The following WDFY4 variants were observed in gnomAD, a reference collection of about 807,000 sequenced individuals.
The protein encoded by WDFY4 is WD repeat- and FYVE domain-containing protein 4.
In WDFY4, 169 loss-of-function variants were observed where a neutral mutation model predicts 351.9. The observed-to-expected ratio is 0.48, with a 90% CI of 0.42 to 0.55. The LOEUF (loss-of-function observed/expected upper bound fraction) is 0.55, where lower values mean the gene tolerates loss of function less well. Ranked by LOEUF, WDFY4 falls within the 20% of genes least tolerant of loss-of-function variation. The probability of loss-of-function intolerance (pLI) is 0.00; values close to 1 mark genes in which losing one functional copy is unlikely to be tolerated. For synonymous variants in WDFY4, 1,622 were observed against 1,574.6 expected, an observed-to-expected ratio of 1.03 and a Z score of -0.71; for missense variants, 3,803 against 3,935.6, an observed-to-expected ratio of 0.97 and a Z score of 0.90.
intron 47 of WDFY4, chr10:48,932,349 A>G (rs1185896269): frequency 2.0e-5 from 3 of 152,210 alleles, no homozygotes; most frequent in African/African-American, 4.8e-5. Flanking sequence ...TTGGAGAACA[A>G]TCTTTGCTGA....
chr10:48,768,458 G>A (rs1437665277), intron 13 of WDFY4, among the ~76,000 whole-genome samples: 2 of 152,104 alleles, frequency 1.3e-5, no homozygotes, highest in African/African-American at 2.4e-5. Context: ...GCCTTCACAT[G>A]TGCTGTTTCC....
At chr10:48,959,674 AG>A in intron 52 of WDFY4, 47 bp from the exon 53 acceptor site, 1 of 1,515,770 alleles carries the variant, frequency 6.6e-7, no homozygotes, top group Non-Finnish European at 9.0e-7. Context: ...CCCAGTTCCT[AG>A]CCTGATTTGA....
At chr10:48,694,342 C>T (rs893979752) in intron 1 of WDFY4, among the ~76,000 whole-genome samples, 13 of 152,268 alleles carry the variant, frequency 8.5e-5, no homozygotes, top group African/African-American at 3.1e-4. Context: ...TAAGCCCAGC[C>T]TCTCCTGTGG....
intron 14 of WDFY4, 51 bp from the exon 15 acceptor site, chr10:48,775,661 A>C (rs1374996404): frequency 6.6e-7 from 1 of 1,504,000 alleles, no homozygotes; most frequent in African/African-American, 1.4e-5. Context: ...GTTGGAGAAC[A>C]CTGTTGCTAG....
chr10:48,981,688 T>A (rs1374187570), intron 61 of WDFY4, among the ~76,000 whole-genome samples: 2 of 152,254 alleles, frequency 1.3e-5, no homozygotes, highest in Non-Finnish European at 2.9e-5. Context: ...GTTTTGCTTT[T>A]AACTCACACA....
chr10:48,881,023 C>T (rs1478249268), intron 43 of WDFY4, among the ~76,000 whole-genome samples: 1 of 152,198 alleles, frequency 6.6e-6, no homozygotes, highest in Non-Finnish European at 1.5e-5. Context: ...CATTCCCCAG[C>T]CTCCTTTCTG....
intron 57 of WDFY4, among the ~76,000 whole-genome samples, chr10:48,974,527 A>AAACAAAAAAAAAAACCTACCACC (rs1842478754): frequency 4.3e-5 from 1 of 23,148 alleles, no homozygotes; most frequent in Admixed American, 6.0e-4. Context: ...AAAAAAAAAA[A>AAACAAAAAAAAAAACCTACCACC]AACAACTCAT....
At chr10:48,741,452 CAAAAAAAAAAAA>C (rs55984300) in intron 11 of WDFY4, among the ~76,000 whole-genome samples, 5 of 66,304 alleles carry the variant, frequency 7.5e-5, no homozygotes, top group East Asian at 5.5e-4. Flanking sequence ...GACTCCGTCT[CAAAAAAAAAAAA>C]AAAAAAAAAA....
chr10:48,941,857 G>C lies in WDFY4; in HGVS notation c.7629+9G>C. 6.4e-7 allele frequency: 1 copy of C among 1,551,716 alleles called. No homozygotes were observed. The highest frequency in any genetic ancestry group is 8.7e-7 in the Non-Finnish European group (1 of 1,146,970). The stretch of plus-strand genomic sequence containing the variant: ...TGCTGCAGAAGTGGCAGGTACAGTA[G>C]CTCCTCCAGAGGGAAGCCCTCTGGG... On this transcript the variant is annotated intron_variant, in intron 48 of 61. Coordinates refer to ENST00000325239, the MANE Select transcript of WDFY4 (RefSeq NM_001394531.1).
chr10:48,865,958 T>A (rs1164738897), intron 39 of WDFY4, among the ~76,000 whole-genome samples: 4 of 152,130 alleles, frequency 2.6e-5, no homozygotes, highest in Non-Finnish European at 5.9e-5. Context: ...AGTATAATAA[T>A]TTAAGCCTTT....
chr10:48,706,623 C>T (rs970354567), intron 1 of WDFY4, among the ~76,000 whole-genome samples: 3 of 152,154 alleles, frequency 2.0e-5, no homozygotes, highest in Non-Finnish European at 4.4e-5. Context: ...GAATGTCTGT[C>T]CCTTGATAGG....
At position 48,853,904 on chromosome 10, in the gene WDFY4, A is replaced by G. The variant is rs375922787; in HGVS notation, c.6664-13361A>G. Among the ~76,000 whole-genome samples the G allele has an allele frequency of 1.8e-4, 28 of 152,324 alleles. 2 individuals carry two copies. The South Asian group carries it at 3.7e-3, about 20-fold the overall frequency. ...ATCTTCGTAATCTAGTGCCTGGAAAATAGTAAGTGATCAATGAATGTTTGC... is the reference window on the plus strand; with the variant it reads ...ATCTTCGTAATCTAGTGCCTGGAAAGTAGTAAGTGATCAATGAATGTTTGC... On this transcript the variant is annotated intron_variant, in intron 39 of 61. Transcript: ENST00000325239.
intron 43 of WDFY4, among the ~76,000 whole-genome samples, chr10:48,888,297 TTTCCTTCCTTCC>T (rs904936262): frequency 9.4e-6 from 1 of 106,884 alleles, no homozygotes; most frequent in Non-Finnish European, 1.8e-5. Flanking sequence ...TCCCTCCCTC[TTTCCTTCCTTCC>T]TTCCTTTCTT....
chr10:48,738,655 G>A (rs997183532), intron 11 of WDFY4, among the ~76,000 whole-genome samples: 7 of 152,202 alleles, frequency 4.6e-5, no homozygotes, highest in Admixed American at 2.0e-4. Flanking sequence ...TCAGATGTGA[G>A]ATCTACATTT....
chr10:48,709,861 C>T lies in WDFY4; in HGVS notation c.129C>T (p.Leu43=). 6.4e-7 allele frequency: 1 copy of T among 1,551,934 alleles called. No homozygotes were observed. The highest frequency in any genetic ancestry group is 8.7e-7 in the Non-Finnish European group (1 of 1,147,058). Residue 43 remains leucine (L), a synonymous_variant, in exon 2 of 62, where the codon CTC becomes CTT. Coordinates refer to ENST00000325239, the MANE Select transcript of WDFY4 (RefSeq NM_001394531.1). ...HGGQSSSPTA[L]WDMLERKFLE... is the part of the protein sequence containing the mutation. ...GGCAGTCCTCCAGCCCCACAGCTCT[C>T]TGGGACATGCTGGAAAGGAAGTTTC...
chr10:48,928,059 A>G (rs927619906), intron 47 of WDFY4, among the ~76,000 whole-genome samples: 1 of 152,102 alleles, frequency 6.6e-6, no homozygotes, highest in East Asian at 1.9e-4. Context: ...ATTCCACCCA[A>G]TGTGTTTTAA....
Position 48,769,335 on chromosome 10 carries a change from AAG to A in WDFY4, c.2554-5117_2554-5116del, listed in dbSNP as rs536026055. 3.2e-4 allele frequency among the ~76,000 whole-genome samples: 48 copies of A among 152,314 alleles called. 1 individual carries two copies. Among genetic ancestry groups the A allele is most frequent in the African/African-American group, 1.1e-3 (45 of 41,566 alleles). On this transcript the variant is annotated intron_variant, in intron 13 of 61. Coordinates refer to ENST00000325239, the MANE Select transcript of WDFY4 (RefSeq NM_001394531.1). The stretch of plus-strand genomic sequence containing the variant: ...AAAATGGAAAGTTCATGCTCATATA[AAG>A]AGAGACATAATTCTAAGTAGGCAGT...
chr10:48,884,314 C>T (rs1293592815), intron 43 of WDFY4: 1 of 152,160 alleles, frequency 6.6e-6, no homozygotes, highest in Non-Finnish European at 1.5e-5. Flanking sequence ...GCAGTAACTT[C>T]CTGTCTTTCT....
intron 13 of WDFY4, among the ~76,000 whole-genome samples, chr10:48,772,490 G>A (rs2065895888): frequency 6.7e-6 from 1 of 148,678 alleles, no homozygotes; most frequent in Non-Finnish European, 1.5e-5. Context: ...CCTGGGCAGG[G>A]CAGCTCTTAC....
Sources: allele counts gnomAD v4.1 joint callset (sites outside exome capture counted in the v4.1 genomes callset), GRCh38; gene constraint gnomAD v4.1.1; transcripts MANE v1.5; gene names NCBI Gene and HGNC (gene_info 2026-07-23, HGNC 2026-07-21).